Variants in CEP350 observed in about 807,000 individuals in gnomAD.
The protein encoded by CEP350 is centrosomal protein 350.
CEP350 carries 126 observed loss-of-function variants against 331.8 expected under a neutral mutation model. The observed-to-expected ratio is 0.38, with a 90% CI of 0.33 to 0.44. The LOEUF is 0.44. Ranked by LOEUF, CEP350 falls within the 20% of genes least tolerant of loss-of-function variation. The probability of loss-of-function intolerance (pLI) is 1.00; values close to 1 mark genes in which losing one functional copy is unlikely to be tolerated. For synonymous variants in CEP350, 1,200 were observed against 1,259.5 expected (o/e 0.95, Z 1.00); for missense variants, 3,406 against 3,634.6 (o/e 0.94, Z 1.62).
chr1:180,059,178 C>T lies in CEP350; in HGVS notation c.5263-3042C>T, dbSNP rs566081606. On this transcript the variant is annotated intron_variant, in intron 25 of 37. Coordinates refer to ENST00000367607, the MANE Select transcript of CEP350 (RefSeq NM_014810.5). ...ACATTATTTAGTTCAGAAACTCAGG[C>T]CTAAGTTAGTGGAAGTTTCAAAACG... Among the ~76,000 whole-genome samples the T allele has an allele frequency of 1.5e-4, 23 of 152,256 alleles. No homozygotes were observed. The South Asian group carries it at 4.8e-3, about 32-fold the overall frequency.
At chr1:180,055,262 C>CT (rs1246047639) in intron 25 of CEP350, among the ~76,000 whole-genome samples, 2 of 152,172 alleles carry the variant, frequency 1.3e-5, no homozygotes, top group African/African-American at 4.8e-5. Flanking sequence ...AAGTAACTCT[C>CT]TGAGACTTAA....
chr1:180,079,274 G>GT (rs1283306259), intron 29 of CEP350, among the ~76,000 whole-genome samples: 1 of 148,706 alleles, frequency 6.7e-6, no homozygotes, highest in Non-Finnish European at 1.5e-5. Context: ...TAAATATTTA[G>GT]TATACTGTGG....
At chr1:179,989,482 C>CA (rs59268913) in intron 3 of CEP350, among the ~76,000 whole-genome samples, 78,324 of 120,948 alleles carry the variant, frequency 0.65, 24,238 homozygotes, top group East Asian at 0.77. Flanking sequence ...GACCCTGTCT[C>CA]AAAAAAAAAA....
chr1:180,036,679 G>C (rs762389828), intron 16 of CEP350, among the ~76,000 whole-genome samples: 3 of 152,142 alleles, frequency 2.0e-5, no homozygotes. Context: ...CTACAGTATA[G>C]TGCAAATATA....
At chr1:180,008,045 T>C (rs1310086072) in intron 8 of CEP350, among the ~76,000 whole-genome samples, 1 of 152,148 alleles carries the variant, frequency 6.6e-6, no homozygotes, top group Non-Finnish European at 1.5e-5. Flanking sequence ...TTAATATAAG[T>C]TAACCAGATT....
intron 21 of CEP350, among the ~76,000 whole-genome samples, chr1:180,044,979 C>CTGTG (rs1657028730): frequency 6.6e-6 from 1 of 151,140 alleles, no homozygotes; most frequent in Non-Finnish European, 1.5e-5. Flanking sequence ...CCTTCAAAGG[C>CTGTG]TGTGTTTATT....
At chr1:179,984,325 G>A (rs1013978199) in intron 1 of CEP350, among the ~76,000 whole-genome samples, 3 of 152,196 alleles carry the variant, frequency 2.0e-5, no homozygotes, top group Non-Finnish European at 2.9e-5. Flanking sequence ...GCTCATCTGG[G>A]TGATTTTGGC....
chr1:179,991,911 A>G, intron 4 of CEP350, 151 bp from the exon 5 acceptor site: 1 of 636,830 alleles, frequency 1.6e-6, no homozygotes, highest in Non-Finnish European at 2.4e-6. Context: ...ATGTACTTAT[A>G]TAATATCCAA....
At position 180,066,538 on chromosome 1, in the gene CEP350, A is replaced by T. The variant is rs955308522; in HGVS notation, c.5567+1266A>T. ...CCTTACTTTCTGTAGGTGCAGTTCT[A>T]TATTGGCACTTCATTGCAAGAACGG... is the stretch of plus-strand genomic sequence containing the variant. On this transcript the variant is annotated intron_variant, in intron 27 of 37. Coordinates refer to ENST00000367607, the MANE Select transcript of CEP350 (RefSeq NM_014810.5). 3.9e-5 allele frequency among the ~76,000 whole-genome samples: 6 copies of T among 152,310 alleles called. No homozygotes were observed. In the South Asian group the frequency reaches 1.2e-3, roughly 32 times the overall value.
Position 180,078,576 on chromosome 1 carries a change from A to G in CEP350, c.5881A>G (p.Ile1961Val), listed in dbSNP as rs1344616953. Residue 1961 changes from isoleucine to valine, a missense_variant, in exon 29 of 38, where the codon ATA becomes GTA. Coordinates refer to ENST00000367607, the MANE Select transcript of CEP350 (RefSeq NM_014810.5). Reference protein sequence around the residue: ...PAVEYVPSESIGQEQPGSPDH... With the variant: ...PAVEYVPSESVGQEQPGSPDH... ...TGTTGAATATGTACCATCCGAGTCT[A>G]TAGGACAGGAGCAGCCAGGGAGTCC... The G allele has an allele frequency of 1.2e-6, 2 of 1,613,644 alleles. No individual in the cohort carries two copies. The highest frequency in any genetic ancestry group is 2.2e-5 in the East Asian group (1 of 44,876).
rs189915977 is a variant in CEP350 at position 180,069,580 on chromosome 1, G to A, written c.5567+4308G>A. On this transcript the variant is annotated intron_variant, in intron 27 of 37. Transcript: ENST00000367607. ...TTTTATTCTCTGCAGGAATTCCTAG[G>A]TCAGGAATCATGTGCTGTATTATTT... Among the ~76,000 whole-genome samples, 28 of 152,206 alleles carry A rather than the reference G, an allele frequency of 1.8e-4. No individual in the cohort carries two copies. In the East Asian group the frequency reaches 5.0e-3, roughly 27 times the overall value.
At position 180,095,859 on chromosome 1, in the gene CEP350, C is replaced by G; in HGVS notation, c.8848C>G (p.Pro2950Ala). ...CCACGATCTTCATAGCATCAGTATT[C>G]CTACAAAACTGCTTGGCTGTGCCAG... The part of the protein sequence containing the change: ...LGHDLHSISI[P>A]TKLLGCASKG... The change falls in exon 35 of 38, where the codon CCT (proline) becomes GCT (alanine). Residue 2950 changes from proline to alanine, a missense_variant. Pro to Ala is a conservative substitution (Grantham distance 27). Transcript: ENST00000367607. The G allele has an allele frequency of 1.2e-6, 2 of 1,613,498 alleles. No homozygotes were observed. The highest frequency in any genetic ancestry group is 3.3e-5 in the Admixed American group (2 of 59,922).
intron 12 of CEP350, among the ~76,000 whole-genome samples, chr1:180,022,367 T>G (rs1045700493): frequency 3.3e-5 from 5 of 152,140 alleles, no homozygotes; most frequent in Non-Finnish European, 5.9e-5. Context: ...TGTCTGGAAT[T>G]TGCTTTAAAA....
At chr1:180,065,936 C>T (rs1031836192) in intron 27 of CEP350, among the ~76,000 whole-genome samples, 5 of 151,940 alleles carry the variant, frequency 3.3e-5, no homozygotes, top group South Asian at 2.1e-4. Context: ...TATATCCTGA[C>T]GTTTCATCCT....
Position 179,967,011 on chromosome 1 carries a change from A to T in CEP350, c.-14+11869A>T, listed in dbSNP as rs547107046. Among the ~76,000 whole-genome samples, 202 of 152,294 alleles carry T rather than the reference A, an allele frequency of 1.3e-3. 1 individual carries two copies. The highest frequency in any genetic ancestry group is 4.7e-3 in the African/African-American group (194 of 41,548). On this transcript the variant is annotated intron_variant, in intron 1 of 37. Coordinates refer to ENST00000367607, the MANE Select transcript of CEP350 (RefSeq NM_014810.5). ...TAAAAACCTTAGACAAATTAAATTTAACAGAATTTGATTGAGCAAAGAAGA... is the reference window on the plus strand; with the variant it reads ...TAAAAACCTTAGACAAATTAAATTTTACAGAATTTGATTGAGCAAAGAAGA...
chr1:179,960,459 G>A (rs955072457), intron 1 of CEP350, among the ~76,000 whole-genome samples: 5 of 152,120 alleles, frequency 3.3e-5, no homozygotes, highest in African/African-American at 1.2e-4. Flanking sequence ...AACTCACCTG[G>A]ACACTATGCA....
chr1:180,075,290 C>A, intron 28 of CEP350, 69 bp downstream of exon 28: 1 of 1,433,346 alleles, frequency 7.0e-7, no homozygotes, highest in Non-Finnish European at 9.4e-7. Flanking sequence ...TATTTCATTA[C>A]TTTTAAAAAT....
At chr1:179,999,613 C>T (rs1159567798) in intron 6 of CEP350, among the ~76,000 whole-genome samples, 2 of 152,106 alleles carry the variant, frequency 1.3e-5, no homozygotes, top group East Asian at 3.9e-4. Context: ...ATTTTGTTCG[C>T]AGTCCAAAAG....
chr1:180,094,682 T>TG, intron 34 of CEP350, 66 bp downstream of exon 34: 1 of 1,498,360 alleles, frequency 6.7e-7, no homozygotes, highest in Non-Finnish European at 9.0e-7. Context: ...CAACTTACCT[T>TG]GCCTATATAG....
Sources: allele counts gnomAD v4.1 joint callset (sites outside exome capture counted in the v4.1 genomes callset), GRCh38; gene constraint gnomAD v4.1.1; transcripts MANE v1.5; gene names NCBI Gene and HGNC (gene_info 2026-07-23, HGNC 2026-07-21).